CLCN3: variants seen among roughly 807,000 people sequenced by gnomAD.
CLCN3 encodes Cl-/H+ antiporter 3.
CLCN3 carries 16 observed loss-of-function variants against 83.4 expected under a neutral mutation model. The observed-to-expected ratio is 0.19, with a 90% confidence interval of 0.13 to 0.29. CLCN3 has a LOEUF of 0.29. CLCN3 is among the 10% of genes least tolerant of loss of function. The probability of loss-of-function intolerance (pLI) is 1.00; values close to 1 mark genes in which losing one functional copy is unlikely to be tolerated. For missense variants in CLCN3, 544 were observed against 1,006.0 expected, an observed-to-expected ratio of 0.54 and a Z score of 6.21; for synonymous variants, 322 against 346.2, an observed-to-expected ratio of 0.93 and a Z score of 0.78.
intron 2 of CLCN3, among the ~76,000 whole-genome samples, chr4:169,673,995 C>G (rs1178539143): frequency 6.6e-6 from 1 of 152,194 alleles, no homozygotes; most frequent in Non-Finnish European, 1.5e-5. Flanking sequence ...CTACCGTACA[C>G]TTCTACACTT....
intron 6 of CLCN3, 88 bp from the exon 7 acceptor site, chr4:169,692,026 T>C: frequency 1.1e-6 from 1 of 916,850 alleles, no homozygotes; most frequent in African/African-American, 1.7e-5. Flanking sequence ...AAGGTTGTTT[T>C]TGTGCATAAA....
At chr4:169,623,982 G>C in intron 1 of CLCN3, among the ~76,000 whole-genome samples, 1 of 152,138 alleles carries the variant, frequency 6.6e-6, no homozygotes, top group East Asian at 1.9e-4. Context: ...TTGGAAGAAA[G>C]AAAAGTAATC....
chr4:169,699,680 G>A (rs1369410837), intron 9 of CLCN3, among the ~76,000 whole-genome samples: 1 of 152,006 alleles, frequency 6.6e-6, no homozygotes, highest in Non-Finnish European at 1.5e-5. Context: ...TCAGGAGATC[G>A]AGACCATCCT....
intron 5 of CLCN3, among the ~76,000 whole-genome samples, 178 bp from the exon 6 acceptor site, chr4:169,690,352 G>A (rs987154758): frequency 6.6e-6 from 1 of 151,928 alleles, no homozygotes; most frequent in African/African-American, 2.4e-5. Flanking sequence ...CACCACATTG[G>A]CCAAGCTAGT....
intron 11 of CLCN3, among the ~76,000 whole-genome samples, chr4:169,709,294 GT>G (rs1416182589): frequency 9.9e-5 from 15 of 151,284 alleles, no homozygotes; most frequent in African/African-American, 3.4e-4. Context: ...AGATTCTCCT[GT>G]TTCATACTAA....
intron 1 of CLCN3, among the ~76,000 whole-genome samples, chr4:169,627,898 A>G (rs143673146): frequency 0.014 from 2,160 of 152,332 alleles, 28 homozygotes; most frequent in Non-Finnish European, 0.021. Context: ...CAATTTCAAG[A>G]CTTATTATGT....
At chr4:169,686,509 C>T (rs536263358) in intron 3 of CLCN3, among the ~76,000 whole-genome samples, 78 of 151,958 alleles carry the variant, frequency 5.1e-4, no homozygotes, top group African/African-American at 1.6e-3. Context: ...CTCCGCCTCC[C>T]GGTTTCAAGT....
chr4:169,700,100 G>T (rs972856922), intron 9 of CLCN3, among the ~76,000 whole-genome samples: 1 of 152,132 alleles, frequency 6.6e-6, no homozygotes, highest in Non-Finnish European at 1.5e-5. Flanking sequence ...CTCAGCTCTG[G>T]CTGAAGGATC....
At chr4:169,686,069 A>G (rs552131972) in intron 3 of CLCN3, among the ~76,000 whole-genome samples, 2 of 152,252 alleles carry the variant, frequency 1.3e-5, no homozygotes, top group East Asian at 1.9e-4. Context: ...AAACTGTCGC[A>G]AGGACAAAAA....
At chr4:169,627,939 G>A (rs750795668) in intron 1 of CLCN3, among the ~76,000 whole-genome samples, 13 of 152,142 alleles carry the variant, frequency 8.5e-5, no homozygotes, top group Non-Finnish European at 1.6e-4. Flanking sequence ...TGTGGTATGG[G>A]CATAGATAAA....
At chr4:169,678,888 G>A (rs1206953360) in intron 2 of CLCN3, among the ~76,000 whole-genome samples, 2 of 152,030 alleles carry the variant, frequency 1.3e-5, no homozygotes, top group African/African-American at 2.4e-5. Flanking sequence ...TGACAAAACT[G>A]CCATCCTCAC....
chr4:169,700,248 C>G (rs1307618566), intron 9 of CLCN3, among the ~76,000 whole-genome samples: 5 of 124,778 alleles, frequency 4.0e-5, no homozygotes, highest in Non-Finnish European at 7.0e-5. Flanking sequence ...ATTACTCTTT[C>G]AGTAGTTTGT....
intron 2 of CLCN3, among the ~76,000 whole-genome samples, chr4:169,674,988 C>T (rs1275324556): frequency 6.6e-6 from 1 of 152,174 alleles, no homozygotes; most frequent in Non-Finnish European, 1.5e-5. Flanking sequence ...TCTATCCGTC[C>T]TCCTCAGCCT....
chr4:169,673,565 C>CT lies in CLCN3; in HGVS notation c.161-6473dup, dbSNP rs371372030. Among the ~76,000 whole-genome samples, 1,310 of 144,804 alleles carry CT rather than the reference C, an allele frequency of 9.0e-3. 14 individuals are homozygous for CT. Among genetic ancestry groups the CT allele is most frequent in the African/African-American group, 0.012 (478 of 39,802 alleles). The allele number at this position is 144,804 out of a possible 152,430, so 95.0% of individuals were successfully genotyped here. A position where few individuals can be genotyped will look rare whatever the true frequency, so the allele number is the denominator to read the frequency against. Reference sequence around the variant, plus strand: ...CATGTTAAGTGGTATAGAAATTTCACTTTTTTTTTTTTGCATAAAGAGTAA... The same window carrying CT: ...CATGTTAAGTGGTATAGAAATTTCACTTTTTTTTTTTTTGCATAAAGAGTAA... On this transcript the variant is annotated intron_variant, in intron 2 of 12. Transcript: ENST00000513761.
intron 2 of CLCN3, among the ~76,000 whole-genome samples, chr4:169,637,517 G>GTTTTTT (rs1730252853): frequency 2.0e-5 from 3 of 152,014 alleles, no homozygotes; most frequent in African/African-American, 7.2e-5. Context: ...AAAAAAATTA[G>GTTTTTT]TTTTGATTGC....
rs777901937 is a variant in CLCN3 at position 169,707,105 on chromosome 4, A to G, written c.1988A>G (p.Asn663Ser). 4 of 1,614,178 alleles carry G rather than the reference A, an allele frequency of 2.5e-6. No individual in the cohort carries two copies. In the South Asian group the frequency reaches 4.4e-5, roughly 18 times the overall value. The change falls in exon 11 of 13, where the codon AAT (asparagine) becomes AGT (serine). Residue 663 changes from asparagine to serine, a missense_variant. Asn to Ser is a conservative substitution (Grantham distance 46, BLOSUM62 1). This residue lies in a region of CLCN3 where 142 missense variants were observed against 225.0 expected (regional missense o/e 0.63). Coordinates refer to ENST00000513761, the MANE Select transcript of CLCN3 (RefSeq NM_001829.4). ...GCTGACGTTATGAGACCTCGAAGGAATGATCCTCCCTTAGCTGTCCTGACA... is the reference window on the plus strand; with the variant it reads ...GCTGACGTTATGAGACCTCGAAGGAGTGATCCTCCCTTAGCTGTCCTGACA... ...LAADVMRPRR[N>S]DPPLAVLTQD...
chr4:169,701,694 T>G (rs1490518517), intron 9 of CLCN3, among the ~76,000 whole-genome samples: 1 of 151,972 alleles, frequency 6.6e-6, no homozygotes, highest in Non-Finnish European at 1.5e-5. Flanking sequence ...AGAGCAGGAG[T>G]GAAAGTTTAT....
intron 2 of CLCN3, among the ~76,000 whole-genome samples, chr4:169,648,385 G>T (rs1730634966): frequency 6.6e-6 from 1 of 152,006 alleles, no homozygotes; most frequent in Non-Finnish European, 1.5e-5. Flanking sequence ...TTTTAAAAAT[G>T]GACTGGAGTT....
intron 5 of CLCN3, among the ~76,000 whole-genome samples, chr4:169,689,844 G>T (rs1279469515): frequency 6.6e-6 from 1 of 152,148 alleles, no homozygotes; most frequent in Admixed American, 6.5e-5. Flanking sequence ...TGGCTTAATT[G>T]AATTGAGTTT....
Sources: gnomAD v4.1 joint callset for allele counts (sites outside exome capture counted in the v4.1 genomes callset) on GRCh38, gnomAD v4.1.1 for gene constraint, gnomAD v4.1.1 regional missense constraint, MANE v1.5 for transcripts, NCBI Gene and HGNC (gene_info 2026-07-23, HGNC 2026-07-21) for gene names.